RELCH: variants seen among roughly 807,000 people sequenced by gnomAD.
RELCH encodes the protein RAB11 binding and LisH domain, coiled-coil and HEAT repeat containing, also known as RAB11-binding protein RELCH.
RELCH carries 41 observed loss-of-function variants against 150.3 expected under a neutral mutation model. The ratio of observed to expected loss-of-function variants is 0.27; its 90% CI spans 0.21 to 0.35. The LOEUF (loss-of-function observed/expected upper bound fraction) is 0.35. Among genes scored for constraint, RELCH ranks in the 10% least tolerant of loss-of-function variants. RELCH has a pLI of 1.00. For missense variants in RELCH, 1,092 were observed against 1,467.8 expected (o/e 0.74, Z 4.18); for synonymous variants, 478 against 531.8 (o/e 0.90, Z 1.39).
intron 1 of RELCH, among the ~76,000 whole-genome samples, chr18:62,210,798 C>T (rs1232546490): frequency 2.0e-5 from 3 of 152,078 alleles, no homozygotes; most frequent in African/African-American, 4.8e-5. Context: ...TGTGTTAGGC[C>T]GTGAAGACTG....
intron 8 of RELCH, among the ~76,000 whole-genome samples, chr18:62,230,790 A>G (rs1199834754): frequency 6.6e-6 from 1 of 152,110 alleles, no homozygotes; most frequent in African/African-American, 2.4e-5. Context: ...TCTCAGCAAT[A>G]TACCAGGTCA....
chr18:62,189,269 T>G (rs113462974), intron 1 of RELCH, among the ~76,000 whole-genome samples: 14,900 of 140,920 alleles, frequency 0.11, 894 homozygotes, highest in East Asian at 0.25. Context: ...GTTTTTTTTT[T>G]TTGTTGTTTT....
chr18:62,199,582 G>A (rs185269601), intron 1 of RELCH, among the ~76,000 whole-genome samples: 1,803 of 152,240 alleles, frequency 0.012, 25 homozygotes, highest in Admixed American at 0.019. Flanking sequence ...TATAAGTTGG[G>A]AATATTTTCT....
chr18:62,220,490 C>G (rs2040794987), intron 2 of RELCH, among the ~76,000 whole-genome samples: 1 of 150,808 alleles, frequency 6.6e-6, no homozygotes, highest in African/African-American at 2.4e-5. Flanking sequence ...CATATTCCTT[C>G]AACATCCTAA....
chr18:62,227,269 G>T lies in RELCH; in HGVS notation c.859-20G>T, dbSNP rs761531112. On this transcript the variant is annotated intron_variant, in intron 5 of 28. Coordinates refer to ENST00000644646, the MANE Select transcript of RELCH (RefSeq NM_001346231.2). ...TAAAATTTCCTCGAAGATTTTTTAT[G>T]TTTTTTTTTTATCTTTTAGGATTTT... 1.1e-5 allele frequency: 15 copies of T among 1,308,204 alleles called. No homozygotes were observed. Among genetic ancestry groups the T allele is most frequent in the Middle Eastern group, 1.9e-4 (1 of 5,196 alleles). 81.0% of individuals were successfully genotyped at this position (1,308,204 alleles called of 1,614,324 possible). A position where few individuals can be genotyped will look rare whatever the true frequency, so the allele number is the denominator to read the frequency against.
chr18:62,201,641 CAG>C (rs1194224476), intron 1 of RELCH, among the ~76,000 whole-genome samples: 1 of 152,086 alleles, frequency 6.6e-6, no homozygotes, highest in Non-Finnish European at 1.5e-5. Context: ...TTCTGCTTCT[CAG>C]AGTCAGTTAT....
intron 10 of RELCH, among the ~76,000 whole-genome samples, chr18:62,238,213 C>G (rs573314017): frequency 1.1e-4 from 16 of 151,926 alleles, no homozygotes; most frequent in African/African-American, 3.1e-4. Flanking sequence ...ATATTTATCT[C>G]TGCTGTAATC....
Position 62,307,334 on chromosome 18 carries a change from A to T in RELCH, c.*1800A>T, listed in dbSNP as rs933592781. 1.3e-5 allele frequency: 2 copies of T among 152,114 alleles called. No homozygotes were observed. The highest frequency in any genetic ancestry group is 2.9e-5 in the Non-Finnish European group (2 of 67,990). 9.4% of individuals were successfully genotyped at this position (152,114 alleles called of 1,614,324 possible). ...AGAGGTACCTGGAAGAAAAATGTTT[A>T]AACTCTGATTTGCTTCAAACTATAG... On this transcript the variant is annotated 3_prime_UTR_variant, in exon 29 of 29. Coordinates refer to ENST00000644646, the MANE Select transcript of RELCH (RefSeq NM_001346231.2).
intron 2 of RELCH, among the ~76,000 whole-genome samples, chr18:62,214,045 A>G (rs1272758372): frequency 1.3e-5 from 2 of 152,026 alleles, no homozygotes; most frequent in Non-Finnish European, 2.9e-5. Flanking sequence ...ATTTGAGACT[A>G]TCATAAGACA....
At chr18:62,194,315 T>C (rs1488109216) in intron 1 of RELCH, among the ~76,000 whole-genome samples, 4 of 152,164 alleles carry the variant, frequency 2.6e-5, no homozygotes, top group African/African-American at 9.7e-5. Context: ...AGTTGACTGT[T>C]TTTTTCTTTA....
chr18:62,217,397 A>G (rs2040548055), intron 2 of RELCH, among the ~76,000 whole-genome samples: 1 of 151,458 alleles, frequency 6.6e-6, no homozygotes, highest in Admixed American at 6.6e-5. Context: ...GTGTAGATGA[A>G]TGGTTATTTC....
At chr18:62,230,087 C>T (rs2041476092) in intron 8 of RELCH, among the ~76,000 whole-genome samples, 1 of 151,926 alleles carries the variant, frequency 6.6e-6, no homozygotes, top group Non-Finnish European at 1.5e-5. Flanking sequence ...TATATTCAGA[C>T]ATTGGTAATG....
At chr18:62,245,167 C>G (rs778307482) in intron 11 of RELCH, among the ~76,000 whole-genome samples, 1 of 152,180 alleles carries the variant, frequency 6.6e-6, no homozygotes, top group Non-Finnish European at 1.5e-5. Flanking sequence ...AGGGAAATCA[C>G]TCTAAGAAAT....
chr18:62,217,078 G>A (rs1389554991), intron 2 of RELCH, among the ~76,000 whole-genome samples: 1 of 151,978 alleles, frequency 6.6e-6, no homozygotes, highest in Non-Finnish European at 1.5e-5. Flanking sequence ...AGGAAAAAAA[G>A]AATACATCAT....
chr18:62,218,673 C>T (rs776318762), intron 2 of RELCH, among the ~76,000 whole-genome samples: 5 of 151,824 alleles, frequency 3.3e-5, no homozygotes, highest in Admixed American at 6.6e-5. Flanking sequence ...TTATAATATG[C>T]GATGTTAATA....
At chr18:62,189,784 A>G (rs2038484245) in intron 1 of RELCH, among the ~76,000 whole-genome samples, 1 of 152,242 alleles carries the variant, frequency 6.6e-6, no homozygotes, top group African/African-American at 2.4e-5. Context: ...AGTGTTTTAG[A>G]GTAAAACCTT....
At chr18:62,290,429 G>A (rs889366607) in intron 26 of RELCH, among the ~76,000 whole-genome samples, 1 of 152,198 alleles carries the variant, frequency 6.6e-6, no homozygotes, top group Non-Finnish European at 1.5e-5. Flanking sequence ...TACTTGGGAG[G>A]CTGAGGCAGG....
intron 10 of RELCH, among the ~76,000 whole-genome samples, chr18:62,241,014 C>A (rs1444607255): frequency 6.6e-6 from 1 of 152,060 alleles, no homozygotes; most frequent in Non-Finnish European, 1.5e-5. Flanking sequence ...AAATAACTCA[C>A]AATCTTCCTG....
chr18:62,286,918 A>C (rs1415705046), intron 25 of RELCH, among the ~76,000 whole-genome samples: 3 of 152,198 alleles, frequency 2.0e-5, no homozygotes, highest in African/African-American at 7.2e-5. Context: ...GAAGGAGTGA[A>C]ATAATAGGTT....
Sources: gnomAD v4.1 joint callset for allele counts (sites outside exome capture counted in the v4.1 genomes callset) on GRCh38, gnomAD v4.1.1 for gene constraint, MANE v1.5 for transcripts, NCBI Gene and HGNC (gene_info 2026-07-23, HGNC 2026-07-21) for gene names.